ATP5MC2: variants seen among roughly 807,000 people sequenced by gnomAD.
ATP5MC2 encodes ATP synthase F(0) complex subunit C2, mitochondrial.
A neutral mutation model predicts 13.5 loss-of-function variants in ATP5MC2; 11 were observed. The observed-to-expected ratio is 0.81, with a 90% CI of 0.51 to 1.35. ATP5MC2 has a LOEUF of 1.35. ATP5MC2 is among the 40% of genes most tolerant of loss of function. The pLI is 0.00. For missense variants in ATP5MC2, 132 were observed against 175.0 expected (o/e 0.75, Z 1.39); for synonymous variants, 64 against 69.7 (o/e 0.92, Z 0.41).
intron 2 of ATP5MC2, among the ~76,000 whole-genome samples, chr12:53,671,933 A>C (rs1945104884): frequency 6.6e-6 from 1 of 151,850 alleles, no homozygotes; most frequent in Admixed American, 6.6e-5. Flanking sequence ...ATCTCTACTA[A>C]AAATACAAAA....
At chr12:53,672,075 C>A (rs112211232) in intron 2 of ATP5MC2, among the ~76,000 whole-genome samples, 13,151 of 71,908 alleles carry the variant, frequency 0.18, 746 homozygotes, top group East Asian at 0.36. Flanking sequence ...AAGAGCGAAA[C>A]TCTGTCTCAA....
At chr12:53,669,101 T>G in intron 4 of ATP5MC2, 47 bp downstream of exon 4, 1 of 1,552,438 alleles carries the variant, frequency 6.4e-7, no homozygotes, top group Non-Finnish European at 8.7e-7. Context: ...TTTTCTGACC[T>G]TTGGAAAGCA....
At chr12:53,675,957 G>C in intron 1 of ATP5MC2, 96 bp downstream of exon 1, 1 of 1,514,466 alleles carries the variant, frequency 6.6e-7, no homozygotes, top group Non-Finnish European at 8.9e-7. Flanking sequence ...ACCAGGGTGG[G>C]AGCACGCAAG....
chr12:53,676,772 C>T (rs1945287956), upstream of ATP5MC2: 1 of 153,644 alleles, frequency 6.5e-6, no homozygotes, highest in Admixed American at 6.4e-5. Context: ...GAGGTCACTC[C>T]AGGCTTGCCC....
At chr12:53,679,039 C>G (rs943042219), upstream of ATP5MC2, among the ~76,000 whole-genome samples, 3 of 152,122 alleles carry the variant, frequency 2.0e-5, no homozygotes, top group African/African-American at 4.8e-5. Flanking sequence ...ACTGGATAGG[C>G]TAAGAGAGAG....
At position 53,671,723 on chromosome 12, in the gene ATP5MC2, A is replaced by G. The variant is rs76269174; in HGVS notation, c.39+853T>C. 1.3e-3 allele frequency among the ~76,000 whole-genome samples: 201 copies of G among 152,296 alleles called. 2 individuals carry two copies. In the East Asian group the frequency reaches 0.029, roughly 22 times the overall value. On this transcript the variant is annotated intron_variant, in intron 2 of 4. Coordinates refer to ENST00000394349, the MANE Select transcript of ATP5MC2 (RefSeq NM_005176.7). ...TTCTCATCTCTATTCTTCTCCTAAG[A>G]TGGCTGGGTAAGAATTAACTGGGCA...
In ATP5MC2 at chr12:53,669,338, G is replaced by A. The variant is rs1395580782; in HGVS notation, c.121C>T (p.Leu41Phe). Reference sequence around the variant, plus strand: ...GGACATGAGACTGCCAAGCTGCTGAGGCTCTGTGAAAAAGAGGCAGGTAGA... The same window carrying A: ...GGACATGAGACTGCCAAGCTGCTGAAGCTCTGTGAAAAAGAGGCAGGTAGA... ...KRPEILTDES[L>F]SSLAVSCPLT... Residue 41 changes from leucine to phenylalanine, a missense_variant, in exon 4 of 5, where the codon CTC becomes TTC. Coordinates refer to ENST00000394349, the MANE Select transcript of ATP5MC2 (RefSeq NM_005176.7). The A allele has an allele frequency of 3.1e-6, 5 of 1,610,522 alleles. No homozygotes were observed. In the African/African-American group the frequency reaches 5.4e-5, roughly 17 times the overall value.
intron 4 of ATP5MC2, among the ~76,000 whole-genome samples, chr12:53,666,595 A>T (rs1407899144): frequency 6.7e-6 from 1 of 149,296 alleles, no homozygotes; most frequent in Non-Finnish European, 1.5e-5. Flanking sequence ...AAAAAGAAAG[A>T]AAAAAAATAC....
At chr12:53,668,791 G>A (rs1221575971) in intron 4 of ATP5MC2, among the ~76,000 whole-genome samples, 1 of 151,980 alleles carries the variant, frequency 6.6e-6, no homozygotes, top group Admixed American at 6.6e-5. Context: ...GGCCGAGGCA[G>A]GTGGATCACT....
At chr12:53,672,881 G>T in intron 1 of ATP5MC2, 1 of 487,122 alleles carries the variant, frequency 2.1e-6, no homozygotes, top group Non-Finnish European at 3.7e-6. Context: ...TGAACACTTG[G>T]GTTCAGGTAA....
intron 1 of ATP5MC2, among the ~76,000 whole-genome samples, chr12:53,674,327 G>T (rs1366121247): frequency 6.6e-6 from 1 of 152,224 alleles, no homozygotes; most frequent in Non-Finnish European, 1.5e-5. Context: ...GGGCAACAAC[G>T]TGAAACCCTG....
upstream of ATP5MC2, chr12:53,676,271 G>C (rs558180672): frequency 1.3e-6 from 2 of 1,534,558 alleles, no homozygotes; most frequent in Non-Finnish European, 1.8e-6. Context: ...ACTACAGGGA[G>C]CGCCGACTGC....
At chr12:53,676,101 C>G (rs371392370), upstream of ATP5MC2, 8 of 1,614,130 alleles carry the variant, frequency 5.0e-6, no homozygotes, top group African/African-American at 1.1e-4. Flanking sequence ...GCGGGAAGAG[C>G]GAAAGGAAGG....
intron 2 of ATP5MC2, among the ~76,000 whole-genome samples, chr12:53,671,951 G>A: frequency 6.6e-6 from 1 of 151,880 alleles, no homozygotes; most frequent in Non-Finnish European, 1.5e-5. Context: ...AAAATTAGCT[G>A]GGTATGGTGG....
intron 3 of ATP5MC2, 118 bp from the exon 4 acceptor site, chr12:53,669,459 C>G (rs986948070): frequency 6.9e-7 from 1 of 1,440,682 alleles, no homozygotes; most frequent in African/African-American, 1.4e-5. Context: ...AATTGTTTAA[C>G]GCCCTAAAAT....
intron 1 of ATP5MC2, among the ~76,000 whole-genome samples, chr12:53,675,255 GTTAA>G (rs1945230465): frequency 1.3e-5 from 2 of 152,142 alleles, no homozygotes; most frequent in African/African-American, 2.4e-5. Context: ...ATCTGGGGAG[GTTAA>G]TTAATCCTTC....
upstream of ATP5MC2, chr12:53,676,295 A>T: frequency 6.6e-7 from 1 of 1,524,390 alleles, no homozygotes; most frequent in Admixed American, 2.0e-5. Flanking sequence ...AATGAGGCCA[A>T]CTCCGCGGAG....
At chr12:53,679,238 C>A (rs980751870), upstream of ATP5MC2, among the ~76,000 whole-genome samples, 13 of 127,760 alleles carry the variant, frequency 1.0e-4, no homozygotes, top group South Asian at 2.8e-4. Context: ...ATTTTAAAAA[C>A]GAGAGAGAGA....
intron 4 of ATP5MC2, among the ~76,000 whole-genome samples, chr12:53,666,584 A>AT (rs1246777281): frequency 1.3e-5 from 2 of 151,144 alleles, no homozygotes; most frequent in Admixed American, 6.6e-5. Context: ...TCTCAAAAAA[A>AT]AAAAAGAAAG....
Sources: allele counts gnomAD v4.1 joint callset (sites outside exome capture counted in the v4.1 genomes callset), GRCh38; gene constraint gnomAD v4.1.1; transcripts MANE v1.5; gene names NCBI Gene and HGNC (gene_info 2026-07-23, HGNC 2026-07-21).